The following ANKRD6 variants were observed in gnomAD, a reference collection of about 807,000 sequenced individuals.
ANKRD6 encodes ankyrin repeat domain 6.
Under a neutral mutation model 82.3 loss-of-function variants are expected in ANKRD6, and 56 were observed. That is an observed-to-expected ratio of 0.68 (90% CI 0.55 to 0.85). ANKRD6 has a LOEUF of 0.85. Among genes scored for constraint, ANKRD6 ranks in the 40% least tolerant of loss-of-function variants. ANKRD6 has a pLI of 0.00. For missense variants in ANKRD6, 852 were observed against 907.6 expected (o/e 0.94, Z 0.79); for synonymous variants, 347 against 352.1 (o/e 0.99, Z 0.16).
chr6:89,483,704 T>C (rs1279312541), intron 1 of ANKRD6: 1 of 152,198 alleles, frequency 6.6e-6, no homozygotes, highest in Admixed American at 6.5e-5. Context: ...GTTTTTGAAA[T>C]GAAAATGAAT....
At chr6:89,541,457 A>G (rs1313515474) in intron 1 of ANKRD6, among the ~76,000 whole-genome samples, 1 of 120,920 alleles carries the variant, frequency 8.3e-6, no homozygotes, top group Non-Finnish European at 1.6e-5. Flanking sequence ...CAGTGGCGCT[A>G]TCTCCGCTCA....
intron 2 of ANKRD6, among the ~76,000 whole-genome samples, chr6:89,567,464 C>T (rs531647068): frequency 3.7e-4 from 56 of 152,284 alleles, no homozygotes; most frequent in African/African-American, 1.3e-3. Context: ...AGCCCCTCCA[C>T]TGTGCAGAGT....
At chr6:89,451,633 C>A (rs567762602) in intron 1 of ANKRD6, among the ~76,000 whole-genome samples, 1 of 152,162 alleles carries the variant, frequency 6.6e-6, no homozygotes, top group Non-Finnish European at 1.5e-5. Context: ...CCTTTATGCT[C>A]AGTGCATTTC....
chr6:89,465,887 A>C (rs1171636975), intron 1 of ANKRD6, among the ~76,000 whole-genome samples: 1 of 152,202 alleles, frequency 6.6e-6, no homozygotes, highest in African/African-American at 2.4e-5. Flanking sequence ...TAATTTAAAA[A>C]AAAATTTTAA....
intron 2 of ANKRD6, among the ~76,000 whole-genome samples, chr6:89,594,272 G>A (rs1193471016): frequency 6.6e-6 from 1 of 152,050 alleles, no homozygotes; most frequent in Non-Finnish European, 1.5e-5. Context: ...AAGCAACATG[G>A]TGAAACCCCA....
chr6:89,522,327 T>C (rs1781988186), intron 1 of ANKRD6, among the ~76,000 whole-genome samples: 1 of 152,212 alleles, frequency 6.6e-6, no homozygotes, highest in Non-Finnish European at 1.5e-5. Flanking sequence ...AGGCTGTTGC[T>C]GGGGCTTGTG....
chr6:89,490,129 A>G (rs1340903364), intron 1 of ANKRD6, among the ~76,000 whole-genome samples: 3 of 152,174 alleles, frequency 2.0e-5, no homozygotes, highest in Non-Finnish European at 2.9e-5. Context: ...GGTCATTCAG[A>G]TTGGTCCAGA....
At chr6:89,599,923 C>G (rs1255754727) in intron 3 of ANKRD6, among the ~76,000 whole-genome samples, 2 of 151,966 alleles carry the variant, frequency 1.3e-5, no homozygotes, top group Non-Finnish European at 2.9e-5. Flanking sequence ...TTATCTGACC[C>G]GGGCTCTCGG....
chr6:89,619,932 A>T (rs1222114509), intron 9 of ANKRD6: 2 of 152,090 alleles, frequency 1.3e-5, no homozygotes, highest in African/African-American at 4.8e-5. Flanking sequence ...GCTCACTGCA[A>T]CCTCCATCTC....
intron 1 of ANKRD6, among the ~76,000 whole-genome samples, chr6:89,483,146 T>G (rs1367188450): frequency 6.6e-6 from 1 of 152,192 alleles, no homozygotes; most frequent in Non-Finnish European, 1.5e-5. Flanking sequence ...GGGTCTTATC[T>G]AAAGCATTCC....
At chr6:89,575,779 G>C (rs1278020018) in intron 2 of ANKRD6, among the ~76,000 whole-genome samples, 1 of 152,196 alleles carries the variant, frequency 6.6e-6, no homozygotes, top group Non-Finnish European at 1.5e-5. Flanking sequence ...CCAGAGCCCA[G>C]ATGAGAACTG....
intron 1 of ANKRD6, among the ~76,000 whole-genome samples, chr6:89,538,450 T>G (rs1204022879): frequency 6.6e-6 from 1 of 152,210 alleles, no homozygotes; most frequent in African/African-American, 2.4e-5. Context: ...TATGGGGATA[T>G]TCTAAGGTGC....
At chr6:89,463,385 CAG>C (rs1215929500) in intron 1 of ANKRD6, among the ~76,000 whole-genome samples, 1 of 152,064 alleles carries the variant, frequency 6.6e-6, no homozygotes, top group Non-Finnish European at 1.5e-5. Flanking sequence ...TTAAAAAACA[CAG>C]AAAGTATTGT....
intron 1 of ANKRD6, among the ~76,000 whole-genome samples, chr6:89,456,854 A>G (rs1022178514): frequency 2.0e-5 from 3 of 152,214 alleles, no homozygotes; most frequent in African/African-American, 7.2e-5. Context: ...TTTCTAACAA[A>G]TTACCCTAAA....
chr6:89,463,316 A>G (rs886444388), intron 1 of ANKRD6, among the ~76,000 whole-genome samples: 5 of 152,160 alleles, frequency 3.3e-5, no homozygotes, highest in Non-Finnish European at 7.3e-5. Context: ...TCGTATGGAT[A>G]TACCATAATT....
chr6:89,611,579 G>A (rs1386673193), intron 5 of ANKRD6, among the ~76,000 whole-genome samples: 1 of 152,184 alleles, frequency 6.6e-6, no homozygotes, highest in Non-Finnish European at 1.5e-5. Context: ...TCATTGTGAT[G>A]TGGTTTGTTG....
At chr6:89,603,264 G>T in intron 4 of ANKRD6, 137 bp downstream of exon 4, 6 of 591,024 alleles carry the variant, frequency 1.0e-5, no homozygotes, top group South Asian at 2.5e-5. Context: ...GATTTAACAT[G>T]ATTAAATCAG....
intron 1 of ANKRD6, among the ~76,000 whole-genome samples, chr6:89,516,156 A>C (rs1781183100): frequency 6.6e-6 from 1 of 152,078 alleles, no homozygotes; most frequent in Non-Finnish European, 1.5e-5. Context: ...TGTGTCTGTG[A>C]GGGTGTTTCT....
chr6:89,467,964 A>G (rs1775035255), intron 1 of ANKRD6, among the ~76,000 whole-genome samples: 1 of 152,238 alleles, frequency 6.6e-6, no homozygotes, highest in African/African-American at 2.4e-5. Context: ...AAACAGCCAT[A>G]AAAATTCTTG....
Sources: gnomAD v4.1 joint callset for allele counts (sites outside exome capture counted in the v4.1 genomes callset) on GRCh38, gnomAD v4.1.1 for gene constraint, MANE v1.5 for transcripts, NCBI Gene and HGNC (gene_info 2026-07-23, HGNC 2026-07-21) for gene names.